CIMAP2: variants seen among roughly 807,000 people sequenced by gnomAD.
The protein encoded by CIMAP2 is ciliary microtubule associated protein 2.
the CIMAP2 span, among the ~76,000 whole-genome samples, chr1:54,822,381 G>GT: frequency 2.0e-4 from 28 of 138,652 alleles, no homozygotes; most frequent in East Asian, 3.6e-3. Flanking sequence ...CCTTTGTATT[G>GT]GTTTTTTTTT....
chr1:54,816,894 A>G, the CIMAP2 span: 2 of 1,477,696 alleles, frequency 1.4e-6, no homozygotes, highest in African/African-American at 1.4e-5. Context: ...CTCATAACAG[A>G]TGGAGTAGGG....
the CIMAP2 span, chr1:54,841,553 C>A: frequency 6.2e-7 from 1 of 1,610,972 alleles, no homozygotes; most frequent in Non-Finnish European, 8.5e-7. Flanking sequence ...GAAGTTCTTA[C>A]AAGCCAAGTT....
chr1:54,834,616 C>A, the CIMAP2 span, among the ~76,000 whole-genome samples: 1 of 151,774 alleles, frequency 6.6e-6, no homozygotes, highest in East Asian at 1.9e-4. Flanking sequence ...TTTTTTCAGA[C>A]TTTGGAATAT....
At chr1:54,812,877 A>G in the CIMAP2 span, among the ~76,000 whole-genome samples, 1 of 152,188 alleles carries the variant, frequency 6.6e-6, no homozygotes, top group African/African-American at 2.4e-5. Context: ...ATAAGAAAAA[A>G]ATTATCGAGT....
the CIMAP2 span, among the ~76,000 whole-genome samples, chr1:54,828,276 A>C: frequency 6.6e-6 from 1 of 152,218 alleles, no homozygotes; most frequent in South Asian, 2.1e-4. Flanking sequence ...TTCGTCTTAT[A>C]CTGCAGCCAT....
At chr1:54,808,784 T>C in the CIMAP2 span, among the ~76,000 whole-genome samples, 3 of 151,960 alleles carry the variant, frequency 2.0e-5, no homozygotes, top group East Asian at 1.9e-4. Context: ...TGACACTCAG[T>C]AAGGGCACGA....
At chr1:54,828,345 T>C in the CIMAP2 span, among the ~76,000 whole-genome samples, 20 of 151,906 alleles carry the variant, frequency 1.3e-4, no homozygotes, top group Admixed American at 7.9e-4. Flanking sequence ...TTAGACAGGG[T>C]CTTGCTCTGC....
chr1:54,811,765 G>GCCGGGGGGGGGGGGGGCCCCCCCCCC, the CIMAP2 span: 22 of 1,301,290 alleles, frequency 1.7e-5, no homozygotes, highest in East Asian at 9.9e-5. Flanking sequence ...GGTTCTGACA[G>GCCGGGGGGGGGGGGGGCCCCCCCCCC]CCTCCATGCC....
At chr1:54,814,375 T>G in the CIMAP2 span, among the ~76,000 whole-genome samples, 2 of 152,162 alleles carry the variant, frequency 1.3e-5, no homozygotes, top group Admixed American at 1.3e-4. Flanking sequence ...GCCCACTTGC[T>G]CCGCCCAAGG....
At chr1:54,818,269 C>T in the CIMAP2 span, among the ~76,000 whole-genome samples, 1 of 152,186 alleles carries the variant, frequency 6.6e-6, no homozygotes. Flanking sequence ...AGAGAATCTT[C>T]TGAGTTTTGT....
At chr1:54,813,686 TCCG>T in the CIMAP2 span, 8 of 1,090,702 alleles carry the variant, frequency 7.3e-6, no homozygotes, top group South Asian at 1.9e-5. Flanking sequence ...GCCTCCGGCC[TCCG>T]GGATGTCTGC....
the CIMAP2 span, among the ~76,000 whole-genome samples, chr1:54,822,544 A>G: frequency 6.6e-6 from 1 of 151,930 alleles, no homozygotes; most frequent in African/African-American, 2.4e-5. Flanking sequence ...GTAGGCATTT[A>G]TTGCTATATT....
the CIMAP2 span, among the ~76,000 whole-genome samples, chr1:54,841,459 G>T: frequency 6.6e-6 from 1 of 152,172 alleles, no homozygotes; most frequent in African/African-American, 2.4e-5. Context: ...GGTGACCTCA[G>T]GTAAGTTCCC....
chr1:54,826,445 AGG>A, the CIMAP2 span, among the ~76,000 whole-genome samples: 1 of 152,146 alleles, frequency 6.6e-6, no homozygotes, highest in East Asian at 1.9e-4. Flanking sequence ...GGATGTCAGC[AGG>A]GCCCCAGGGA....
At chr1:54,812,095 CAT>C in the CIMAP2 span, 1 of 1,614,202 alleles carries the variant, frequency 6.2e-7, no homozygotes, top group Non-Finnish European at 8.5e-7. Context: ...GACCTTGAGA[CAT>C]ATGTGGCACG....
the CIMAP2 span, among the ~76,000 whole-genome samples, chr1:54,823,795 C>T: frequency 6.6e-6 from 1 of 152,168 alleles, no homozygotes; most frequent in East Asian, 1.9e-4. Flanking sequence ...TCTTTCCCTT[C>T]TAGATGTGGG....
At chr1:54,817,091 C>T in the CIMAP2 span, 1 of 1,614,082 alleles carries the variant, frequency 6.2e-7, no homozygotes, top group Non-Finnish European at 8.5e-7. Flanking sequence ...CAAACGCTAC[C>T]TCTCAGACCT....
chr1:54,807,892 CA>C, the CIMAP2 span: 1 of 1,578,706 alleles, frequency 6.3e-7, no homozygotes, highest in Admixed American at 2.0e-5. Context: ...GGCACAGGAG[CA>C]AAAGCTGGGC....
the CIMAP2 span, among the ~76,000 whole-genome samples, chr1:54,840,402 T>TTGTTTACAG: frequency 6.6e-6 from 1 of 152,382 alleles, no homozygotes; most frequent in Non-Finnish European, 1.5e-5. Flanking sequence ...GACATTTGGA[T>TTGTTTACAG]TGTTTACAGT....
Sources: gnomAD v4.1 joint callset for allele counts (sites outside exome capture counted in the v4.1 genomes callset) on GRCh38, gnomAD v4.1.1 for gene constraint, MANE v1.5 for transcripts, NCBI Gene and HGNC (gene_info 2026-07-23, HGNC 2026-07-21) for gene names.